SWI5: variants seen among roughly 807,000 people sequenced by gnomAD.
SWI5 encodes the protein DNA repair protein SWI5 homolog.
A neutral mutation model predicts 17.0 loss-of-function variants in SWI5; 12 were observed. The ratio of observed to expected loss-of-function variants is 0.71; its 90% confidence interval spans 0.45 to 1.14. SWI5 has a LOEUF of 1.14. Ranked by LOEUF, SWI5 falls within the 50% of genes most tolerant of loss-of-function variation. The pLI, the probability that SWI5 is intolerant of heterozygous loss-of-function variation, is 0.00. For synonymous variants in SWI5, 61 were observed against 64.0 expected (o/e 0.95, Z 0.22); for missense variants, 158 against 162.2 (o/e 0.97, Z 0.14).
At chr9:128,287,341 A>C (rs1255937007) in intron 4 of SWI5, among the ~76,000 whole-genome samples, 2 of 147,784 alleles carry the variant, frequency 1.4e-5, no homozygotes, top group African/African-American at 2.5e-5. Flanking sequence ...GCTACTCAGG[A>C]GGCTGAGGCA....
At chr9:128,275,381 G>C, upstream of SWI5, 1 of 1,287,222 alleles carries the variant, frequency 7.8e-7, no homozygotes, top group East Asian at 3.1e-5. Context: ...GGGAACATCA[G>C]CGCGACGTCC....
upstream of SWI5, chr9:128,276,185 A>C (rs1312578023): frequency 2.5e-6 from 4 of 1,591,514 alleles, no homozygotes; most frequent in South Asian, 4.5e-5. Flanking sequence ...GCGTCACAAC[A>C]AAAGCTGCGC....
At chr9:128,280,812 C>T (rs761894314) in intron 2 of SWI5, among the ~76,000 whole-genome samples, 33 of 151,826 alleles carry the variant, frequency 2.2e-4, no homozygotes, top group Middle Eastern at 3.4e-3. Flanking sequence ...CCACCGTGCC[C>T]GGTCGCATTT....
chr9:128,278,625 T>C (rs1030016733), intron 2 of SWI5: 3 of 471,208 alleles, frequency 6.4e-6, no homozygotes, highest in South Asian at 1.5e-5. Flanking sequence ...ACATGCATCA[T>C]CTTTCCAGTT....
chr9:128,288,619 A>C (rs1429510164), intron 4 of SWI5, 33 bp from the exon 5 acceptor site: 1 of 1,612,834 alleles, frequency 6.2e-7, no homozygotes, highest in Non-Finnish European at 8.5e-7. Flanking sequence ...ACCTCTCCCC[A>C]CTGCACATTC....
In SWI5 at chr9:128,288,899, G is replaced by A. The variant is rs7864839; in HGVS notation, c.*183G>A. 1,488 of 623,382 alleles carry A rather than the reference G, an allele frequency of 2.4e-3. 17 individuals carry two copies. The African/African-American group carries it at 0.024, about 10-fold the overall frequency. The allele number at this position is 623,382 out of a possible 1,614,324, so 38.6% of individuals were successfully genotyped here. A position where few individuals can be genotyped will look rare whatever the true frequency, so the allele number is the denominator to read the frequency against. The stretch of plus-strand genomic sequence containing the variant: ...AAGAGGCGGGCAGGGAGGAAGGGGC[G>A]TTCCCAGCTCCAAGGTTCCTGAAAT... On this transcript the variant is annotated 3_prime_UTR_variant, in exon 5 of 5. Coordinates refer to ENST00000418976, the Ensembl canonical transcript of SWI5.
intron 1 of SWI5, 32 bp downstream of exon 1, chr9:128,276,434 C>G (rs1831379449): frequency 6.2e-7 from 1 of 1,607,648 alleles, no homozygotes; most frequent in South Asian, 1.1e-5. Flanking sequence ...CAGTTTCTTT[C>G]CTGACTCCTC....
At chr9:128,276,800 C>CCCTTGTGCGCTCCCGG in intron 2 of SWI5, 45 bp downstream of exon 2, 1 of 1,558,190 alleles carries the variant, frequency 6.4e-7, no homozygotes, top group Non-Finnish European at 8.7e-7. Flanking sequence ...CCTCGACCTT[C>CCCTTGTGCGCTCCCGG]CCTTGTGCGC....
chr9:128,282,935 G>A (rs1371702278), intron 2 of SWI5, among the ~76,000 whole-genome samples: 1 of 151,974 alleles, frequency 6.6e-6, no homozygotes, highest in Non-Finnish European at 1.5e-5. Context: ...CCCAGCACCT[G>A]GGGAGGCTGA....
intron 2 of SWI5, chr9:128,278,668 G>T (rs1157043045): frequency 2.1e-6 from 1 of 471,680 alleles, no homozygotes; most frequent in South Asian, 1.5e-5. Flanking sequence ...ACGCTTTACT[G>T]TCCCCATGTT....
chr9:128,284,606 A>G, exon 3 of SWI5: 1 of 1,613,866 alleles, frequency 6.2e-7, no homozygotes, highest in Non-Finnish European at 8.5e-7. Flanking sequence ...CATGCTGGAC[A>G]AGGAGATCTC....
intron 2 of SWI5, among the ~76,000 whole-genome samples, chr9:128,278,247 T>C (rs140911795): frequency 9.1e-4 from 136 of 150,096 alleles, no homozygotes; most frequent in African/African-American, 3.2e-3. Flanking sequence ...TGAGCCACCA[T>C]GCCCAGCTTC....
upstream of SWI5, chr9:128,275,925 G>T: frequency 1.3e-6 from 2 of 1,592,126 alleles, no homozygotes; most frequent in South Asian, 1.1e-5. Context: ...TTGCTCTGTC[G>T]GGTTTCTTCC....
Position 128,276,496 on chromosome 9 carries a change from A to G in SWI5, c.62+94A>G, listed in dbSNP as rs1312856409. On this transcript the variant is annotated intron_variant, in intron 1 of 4. Transcript: ENST00000418976. ...CCAGAAATCACCTCCAAAGACTCCC[A>G]TCCAGTGCTCCAGACAACCCCCGTC... 6 of 1,577,016 alleles carry G rather than the reference A, an allele frequency of 3.8e-6. No homozygotes were observed. The East Asian group carries it at 1.4e-4, about 36-fold the overall frequency.
At chr9:128,276,383 C>G in exon 1 of SWI5, 1 of 1,613,068 alleles carries the variant, frequency 6.2e-7, no homozygotes, top group Non-Finnish European at 8.5e-7. Context: ...CCGGGGGCCT[C>G]GGACCCCAGG....
At chr9:128,279,726 G>A (rs940468274) in intron 2 of SWI5, among the ~76,000 whole-genome samples, 7 of 152,266 alleles carry the variant, frequency 4.6e-5, no homozygotes, top group African/African-American at 7.2e-5. Flanking sequence ...GGATGACTGC[G>A]GGCCGGCCTG....
chr9:128,280,253 C>T (rs1831513106), intron 2 of SWI5, among the ~76,000 whole-genome samples: 1 of 152,106 alleles, frequency 6.6e-6, no homozygotes, highest in Non-Finnish European at 1.5e-5. Context: ...CTGACTCCCA[C>T]TCCCTCAGCC....
At chr9:128,277,205 CCTT>C (rs1326230752) in intron 2 of SWI5, among the ~76,000 whole-genome samples, 1 of 152,168 alleles carries the variant, frequency 6.6e-6, no homozygotes, top group African/African-American at 2.4e-5. Flanking sequence ...GCAGCCTACT[CCTT>C]CTCTCATCCC....
chr9:128,288,595 C>A, intron 4 of SWI5, 57 bp from the exon 5 acceptor site: 1 of 1,591,636 alleles, frequency 6.3e-7, no homozygotes. Flanking sequence ...GGGGCATTGG[C>A]TGTACTCCCT....
Sources: gnomAD v4.1 joint callset for allele counts (sites outside exome capture counted in the v4.1 genomes callset) on GRCh38, gnomAD v4.1.1 for gene constraint, MANE v1.5 for transcripts, NCBI Gene and HGNC (gene_info 2026-07-23, HGNC 2026-07-21) for gene names.